Variants in BFAR observed in about 807,000 individuals in gnomAD.
BFAR encodes RING finger protein 47.
In BFAR, 52 loss-of-function variants were observed where a neutral mutation model predicts 54.4. That is an observed-to-expected ratio of 0.96 (90% CI 0.77 to 1.21). The LOEUF (loss-of-function observed/expected upper bound fraction) is 1.21. Ranked by LOEUF, BFAR falls within the 50% of genes most tolerant of loss-of-function variation. The probability of loss-of-function intolerance (pLI) is 0.00; values close to 1 mark genes in which losing one functional copy is unlikely to be tolerated. For synonymous variants in BFAR, 215 were observed against 204.3 expected (o/e 1.05, Z -0.45); for missense variants, 571 against 534.0 (o/e 1.07, Z -0.68).
At chr16:14,660,226 C>G (rs1293917036) in intron 5 of BFAR, among the ~76,000 whole-genome samples, 1 of 152,148 alleles carries the variant, frequency 6.6e-6, no homozygotes, top group Non-Finnish European at 1.5e-5. Context: ...ATTTGCCATC[C>G]TTATATCTTC....
At chr16:14,651,037 C>T (rs1397925898) in intron 4 of BFAR, among the ~76,000 whole-genome samples, 1 of 152,034 alleles carries the variant, frequency 6.6e-6, no homozygotes, top group Non-Finnish European at 1.5e-5. Flanking sequence ...CTTTTGTGAC[C>T]AAATATGTGG....
chr16:14,664,430 T>C (rs1330326412), intron 6 of BFAR, among the ~76,000 whole-genome samples: 2 of 149,456 alleles, frequency 1.3e-5, no homozygotes, highest in Non-Finnish European at 3.0e-5. Context: ...GATGAGTTGA[T>C]GGATGGAAAT....
intron 3 of BFAR, 128 bp downstream of exon 3, chr16:14,648,720 T>G (rs1480348066): frequency 4.3e-6 from 3 of 698,342 alleles, no homozygotes; most frequent in African/African-American, 1.8e-5. Flanking sequence ...ATTTACTACG[T>G]ACATTGAAAT....
chr16:14,633,932 C>T (rs1030976943), intron 1 of BFAR, among the ~76,000 whole-genome samples: 1 of 152,154 alleles, frequency 6.6e-6, no homozygotes, highest in African/African-American at 2.4e-5. Context: ...AGATTACAGG[C>T]GTGAGCCACC....
At chr16:14,652,720 T>C (rs1411849896) in intron 4 of BFAR, among the ~76,000 whole-genome samples, 1 of 152,056 alleles carries the variant, frequency 6.6e-6, no homozygotes, top group Non-Finnish European at 1.5e-5. Context: ...GATATAAATG[T>C]GTTTTTTTTA....
At position 14,655,310 on chromosome 16, in the gene BFAR, A is replaced by G. The variant is rs912818668; in HGVS notation, c.783+100A>G. On this transcript the variant is annotated intron_variant, in intron 5 of 7. Coordinates refer to ENST00000261658, the MANE Select transcript of BFAR (RefSeq NM_016561.3). ...TTTTCTTTTTTATTTTTGACAGTTTATGTACTTATTTATTTATTTATTTTA... is the reference window on the plus strand; with the variant it reads ...TTTTCTTTTTTATTTTTGACAGTTTGTGTACTTATTTATTTATTTATTTTA... The G allele has an allele frequency of 1.5e-5, 14 of 923,956 alleles. No homozygotes were observed. The Admixed American group carries it at 3.9e-4, about 26-fold the overall frequency. 57.2% of individuals were successfully genotyped at this position (923,956 alleles called of 1,614,324 possible). A position where few individuals can be genotyped will look rare whatever the true frequency, so the allele number is the denominator to read the frequency against.
At position 14,667,589 on chromosome 16, in the gene BFAR, G is replaced by A. The variant is rs747642269; in HGVS notation, c.1161-46G>A. On this transcript the variant is annotated intron_variant, in intron 7 of 7. Coordinates refer to ENST00000261658, the MANE Select transcript of BFAR (RefSeq NM_016561.3). ...CCCAGGGCCCGGACTCCTGGGTGTG[G>A]TCATGAGAAGCGCCTCCGATTCAGC... 12 of 1,562,892 alleles carry A rather than the reference G, an allele frequency of 7.7e-6. No homozygotes were observed. The East Asian group carries it at 2.5e-4, about 32-fold the overall frequency.
At chr16:14,645,491 T>C (rs1959765971) in intron 2 of BFAR, among the ~76,000 whole-genome samples, 1 of 152,224 alleles carries the variant, frequency 6.6e-6, no homozygotes, top group African/African-American at 2.4e-5. Context: ...TGTTATTTTC[T>C]GCTTCTTTGG....
chr16:14,647,092 T>A (rs1959818538), intron 2 of BFAR, among the ~76,000 whole-genome samples: 1 of 150,516 alleles, frequency 6.6e-6, no homozygotes, highest in African/African-American at 2.4e-5. Context: ...TTTTTCAAAA[T>A]ACTCTTTTTT....
At position 14,667,833 on chromosome 16, in the gene BFAR, A is replaced by G. The variant is rs370732014; in HGVS notation, c.*6A>G. On this transcript the variant is annotated 3_prime_UTR_variant, in exon 8 of 8. Coordinates refer to ENST00000261658, the MANE Select transcript of BFAR (RefSeq NM_016561.3). ...TGGAAACCCAGGTGTTGTGACTGGC[A>G]CTGCCCAGGCTGAGACTCTTCAAGT... 3 of 1,613,262 alleles carry G rather than the reference A, an allele frequency of 1.9e-6. No individual in the cohort carries two copies. The South Asian group carries it at 3.3e-5, about 18-fold the overall frequency.
At chr16:14,657,769 T>G (rs2151842481) in intron 5 of BFAR, among the ~76,000 whole-genome samples, 1 of 152,192 alleles carries the variant, frequency 6.6e-6, no homozygotes, top group East Asian at 1.9e-4. Context: ...CTTGAACTCC[T>G]GACCTCAGGT....
chr16:14,648,072 T>G (rs1433897455), intron 2 of BFAR, among the ~76,000 whole-genome samples: 2 of 151,974 alleles, frequency 1.3e-5, no homozygotes, highest in Non-Finnish European at 2.9e-5. Context: ...AAACCCTATC[T>G]CTACTAAAAA....
chr16:14,661,878 C>T lies in BFAR; in HGVS notation c.784-14C>T. 6.2e-7 allele frequency: 1 copy of T among 1,613,916 alleles called. No homozygotes were observed. Among genetic ancestry groups the T allele is most frequent in the Non-Finnish European group, 8.5e-7 (1 of 1,179,890 alleles). ...CATGGTTGTAATGTGGCCCTGTACT[C>T]TTCTCCTCTGCAGGCTGTGAACCCA... On this transcript the variant is annotated splice_polypyrimidine_tract_variant and intron_variant, in intron 5 of 7. Transcript: ENST00000261658.
At chr16:14,654,445 C>G (rs1332357172) in intron 4 of BFAR, among the ~76,000 whole-genome samples, 2 of 150,480 alleles carry the variant, frequency 1.3e-5, no homozygotes, top group Non-Finnish European at 2.9e-5. Context: ...ACAAAACAGA[C>G]CTAGGAGTGC....
chr16:14,634,926 T>G (rs1162830444), intron 1 of BFAR, among the ~76,000 whole-genome samples: 1 of 152,230 alleles, frequency 6.6e-6, no homozygotes, highest in Admixed American at 6.5e-5. Context: ...GTTGAGGAGT[T>G]AGTCATTAAA....
intron 5 of BFAR, among the ~76,000 whole-genome samples, chr16:14,660,015 G>A (rs1960245929): frequency 6.6e-6 from 1 of 152,166 alleles, no homozygotes; most frequent in African/African-American, 2.4e-5. Flanking sequence ...AGTGTACGAT[G>A]TGATAAGTTT....
intron 1 of BFAR, among the ~76,000 whole-genome samples, chr16:14,639,244 C>T (rs1249009778): frequency 1.3e-5 from 2 of 152,124 alleles, no homozygotes; most frequent in African/African-American, 2.4e-5. Context: ...GTCCACCCGC[C>T]TCAGCCTCCC....
rs746810685 is a variant in BFAR at position 14,667,656 on chromosome 16, G to C, written c.1182G>C (p.Trp394Cys). 6.2e-7 allele frequency: 1 copy of C among 1,614,092 alleles called. No homozygotes were observed. The highest frequency in any genetic ancestry group is 2.2e-5 in the East Asian group (1 of 44,880). The change falls in exon 8 of 8, where the codon TGG becomes TGC. Residue 394 changes from tryptophan (W) to cysteine (C), a missense_variant. Trp to Cys is a radical substitution (Grantham distance 215, BLOSUM62 -2). Transcript: ENST00000261658. ...SELKTVPQRMWSHFWKVSTQG... is the reference protein window; with the variant it reads ...SELKTVPQRMCSHFWKVSTQG... Reference sequence around the variant, plus strand: ...TCAGGACCGTGCCTCAGAGGATGTGGAGCCATTTCTGGAAAGTATCAACGC... The same window carrying C: ...TCAGGACCGTGCCTCAGAGGATGTGCAGCCATTTCTGGAAAGTATCAACGC...
chr16:14,645,972 G>T (rs903908853), intron 2 of BFAR, among the ~76,000 whole-genome samples: 1 of 152,124 alleles, frequency 6.6e-6, no homozygotes, highest in Non-Finnish European at 1.5e-5. Context: ...AGGTTCAAGT[G>T]ATTCTCCTGC....
Sources: gnomAD v4.1 joint callset for allele counts (sites outside exome capture counted in the v4.1 genomes callset) on GRCh38, gnomAD v4.1.1 for gene constraint, MANE v1.5 for transcripts, NCBI Gene and HGNC (gene_info 2026-07-23, HGNC 2026-07-21) for gene names.